Variants in FARP1 observed in about 807,000 individuals in gnomAD.
The protein encoded by FARP1 is FERM, ARHGEF and pleckstrin domain-containing protein 1.
A neutral mutation model predicts 128.8 loss-of-function variants in FARP1; 52 were observed. The ratio of observed to expected loss-of-function variants is 0.40; its 90% CI spans 0.32 to 0.51. FARP1 has a LOEUF of 0.51. FARP1 is among the 20% of genes least tolerant of loss of function. FARP1 has a pLI of 0.45. For missense variants in FARP1, 1,333 were observed against 1,367.9 expected (o/e 0.97, Z 0.40); for synonymous variants, 580 against 551.8 (o/e 1.05, Z -0.72).
chr13:98,221,694 A>C (rs1018895435), intron 2 of FARP1, among the ~76,000 whole-genome samples: 7 of 152,108 alleles, frequency 4.6e-5, no homozygotes, highest in African/African-American at 1.7e-4. Flanking sequence ...CTATTTTCTT[A>C]GCTTCAAAAC....
chr13:98,395,541 A>T (rs1890495815), intron 13 of FARP1, 65 bp downstream of exon 13: 34 of 1,499,452 alleles, frequency 2.3e-5, no homozygotes, highest in Non-Finnish European at 3.0e-5. Context: ...GCAGTGACGT[A>T]GATAGCGAAT....
chr13:98,414,076 T>C (rs1891289885), intron 16 of FARP1, among the ~76,000 whole-genome samples: 1 of 152,200 alleles, frequency 6.6e-6, no homozygotes, highest in Admixed American at 6.5e-5. Context: ...CTAATACGAC[T>C]CATTTTAGGA....
At chr13:98,401,717 A>C (rs1890779724) in intron 13 of FARP1, 1 of 152,162 alleles carries the variant, frequency 6.6e-6, no homozygotes, top group Admixed American at 6.5e-5. Flanking sequence ...AAAAAGATGA[A>C]ACCTCAAGCA....
chr13:98,431,473 T>A, intron 18 of FARP1, 193 bp downstream of exon 18: 1 of 523,256 alleles, frequency 1.9e-6, no homozygotes, highest in Admixed American at 3.6e-5. Context: ...TTTTTTTTTT[T>A]TTTTTTGAGA....
intron 3 of FARP1, among the ~76,000 whole-genome samples, chr13:98,357,782 G>T (rs1255315332): frequency 6.6e-6 from 1 of 152,088 alleles, no homozygotes; most frequent in Non-Finnish European, 1.5e-5. Flanking sequence ...TTAAAAATTG[G>T]ATGTCACATA....
intron 1 of FARP1, among the ~76,000 whole-genome samples, chr13:98,200,579 G>T (rs1257258964): frequency 1.3e-5 from 2 of 152,102 alleles, no homozygotes; most frequent in Admixed American, 6.5e-5. Flanking sequence ...TAAGTGACTG[G>T]CCTGATGTTC....
In FARP1 at chr13:98,288,667, T is replaced by A. The variant is rs897380507; in HGVS notation, c.172-55095T>A. On this transcript the variant is annotated intron_variant, in intron 2 of 26. Coordinates refer to ENST00000319562, the MANE Select transcript of FARP1 (RefSeq NM_005766.4). ...GTCTGTCTTAACATCTGATAGGTGC[T>A]GGAGGAGTCTCATGGTTAGTGGTGC... Among the ~76,000 whole-genome samples the A allele has an allele frequency of 3.9e-5, 6 of 152,340 alleles. 1 individual carries two copies. Among genetic ancestry groups the A allele is most frequent in the Admixed American group, 1.3e-4 (2 of 15,302 alleles).
intron 1 of FARP1, among the ~76,000 whole-genome samples, chr13:98,207,237 G>A (rs11618860): frequency 0.16 from 23,813 of 152,164 alleles, 2,469 homozygotes; most frequent in Middle Eastern, 0.3. Context: ...TCAAGCATCA[G>A]TATCCAGAAG....
intron 19 of FARP1, among the ~76,000 whole-genome samples, chr13:98,437,105 T>C (rs1443561003): frequency 2.0e-5 from 3 of 152,150 alleles, no homozygotes; most frequent in Admixed American, 6.5e-5. Flanking sequence ...ATAATACATA[T>C]TAATTATCTT....
At chr13:98,232,151 T>G (rs866366684) in intron 2 of FARP1, among the ~76,000 whole-genome samples, 4,830 of 145,840 alleles carry the variant, frequency 0.033, 463 homozygotes, top group African/African-American at 0.12. Context: ...GTTGGTTTTT[T>G]TTTTTTTTTT....
At chr13:98,426,968 A>C (rs1891812245) in intron 17 of FARP1, among the ~76,000 whole-genome samples, 1 of 152,094 alleles carries the variant, frequency 6.6e-6, no homozygotes, top group Non-Finnish European at 1.5e-5. Context: ...TCTTCCGTCC[A>C]CCCCTAAACA....
intron 18 of FARP1, chr13:98,433,269 C>G (rs759214337): frequency 6.6e-6 from 1 of 152,092 alleles, no homozygotes; most frequent in East Asian, 1.9e-4. Context: ...CTAGAAAAAC[C>G]GTTGTTAATA....
At chr13:98,363,715 C>T (rs1888969387) in intron 3 of FARP1, among the ~76,000 whole-genome samples, 1 of 152,158 alleles carries the variant, frequency 6.6e-6, no homozygotes, top group East Asian at 1.9e-4. Context: ...TCTAGGCTCT[C>T]CTGTGACTCC....
chr13:98,331,517 C>A (rs1002332083), intron 2 of FARP1, among the ~76,000 whole-genome samples: 1 of 152,108 alleles, frequency 6.6e-6, no homozygotes, highest in Non-Finnish European at 1.5e-5. Context: ...GATTAAAGTA[C>A]GGTGAGGTTT....
intron 1 of FARP1, among the ~76,000 whole-genome samples, chr13:98,170,315 C>T (rs1877565218): frequency 6.6e-6 from 1 of 151,484 alleles, no homozygotes; most frequent in African/African-American, 2.4e-5. Flanking sequence ...TCCCAAGCAG[C>T]TAGGATTACA....
At chr13:98,239,743 G>A (rs1882653656) in intron 2 of FARP1, among the ~76,000 whole-genome samples, 1 of 152,120 alleles carries the variant, frequency 6.6e-6, no homozygotes. Context: ...GCTGCTCCCG[G>A]AGGAGATGAG....
chr13:98,150,649 A>G (rs1875930617), intron 1 of FARP1, among the ~76,000 whole-genome samples: 1 of 152,176 alleles, frequency 6.6e-6, no homozygotes, highest in Non-Finnish European at 1.5e-5. Flanking sequence ...TCTTGTCTGT[A>G]AGGCAAGAGA....
intron 1 of FARP1, among the ~76,000 whole-genome samples, chr13:98,144,581 C>T (rs1875373779): frequency 6.6e-6 from 1 of 152,236 alleles, no homozygotes; most frequent in African/African-American, 2.4e-5. Context: ...GGCCCCTCTC[C>T]TTCCAGTAGG....
At chr13:98,173,924 C>T (rs560233034) in intron 1 of FARP1, among the ~76,000 whole-genome samples, 7 of 152,332 alleles carry the variant, frequency 4.6e-5, no homozygotes, top group Non-Finnish European at 8.8e-5. Flanking sequence ...TGAGCTGTTT[C>T]AGCAAAAGTC....
Sources: allele counts gnomAD v4.1 joint callset (sites outside exome capture counted in the v4.1 genomes callset), GRCh38; gene constraint gnomAD v4.1.1; transcripts MANE v1.5; gene names NCBI Gene and HGNC (gene_info 2026-07-23, HGNC 2026-07-21).